The following SLC12A8 variants were observed in gnomAD, a reference collection of about 807,000 sequenced individuals.
SLC12A8 encodes cation-chloride cotransporter 9.
A neutral mutation model predicts 75.6 loss-of-function variants in SLC12A8; 69 were observed. The observed-to-expected ratio is 0.91, with a 90% CI of 0.75 to 1.11. SLC12A8 has a LOEUF of 1.11. Ranked by LOEUF, SLC12A8 falls within the 50% of genes most tolerant of loss-of-function variation. The pLI, the probability that SLC12A8 is intolerant of heterozygous loss-of-function variation, is 0.00. For synonymous variants in SLC12A8, 365 were observed against 372.8 expected (o/e 0.98, Z 0.24); for missense variants, 877 against 896.7 (o/e 0.98, Z 0.28).
At chr3:125,190,648 G>A in intron 2 of SLC12A8, 127 bp from the exon 3 acceptor site, 2 of 1,109,638 alleles carry the variant, frequency 1.8e-6, no homozygotes, top group South Asian at 2.9e-5. Context: ...ATTGTGCCAG[G>A]GCAAGTGTGT....
intron 5 of SLC12A8, among the ~76,000 whole-genome samples, chr3:125,175,756 GAA>G (rs11446379): frequency 2.1e-5 from 3 of 143,640 alleles, no homozygotes; most frequent in Admixed American, 6.9e-5. Context: ...ACATGGCCAG[GAA>G]AAAAAAAAAA....
intron 6 of SLC12A8, among the ~76,000 whole-genome samples, chr3:125,133,024 C>T (rs1933397677): frequency 1.3e-5 from 2 of 152,122 alleles, no homozygotes; most frequent in Admixed American, 1.3e-4. Context: ...AAGGAAGTCA[C>T]TGGTGAAAGA....
chr3:125,154,104 T>C (rs1472982133), intron 5 of SLC12A8, among the ~76,000 whole-genome samples: 2 of 152,166 alleles, frequency 1.3e-5, no homozygotes, highest in Middle Eastern at 3.2e-3. Context: ...CCCACAGATA[T>C]TGGGGTGCTG....
chr3:125,192,950 G>T (rs749967195), intron 2 of SLC12A8, among the ~76,000 whole-genome samples: 3 of 152,174 alleles, frequency 2.0e-5, no homozygotes, highest in Non-Finnish European at 4.4e-5. Flanking sequence ...GAAGGAAAAG[G>T]ACGAAACCAA....
At position 125,083,999 on chromosome 3, in the gene SLC12A8, A is replaced by G. The variant is rs1265175676; in HGVS notation, c.2036T>C (p.Val679Ala). Residue 679 changes from valine (V) to alanine (A), a missense_variant, in exon 14 of 14, where the codon GTT becomes GCT. By Grantham distance (64) the Val-to-Ala change is moderately conservative. Coordinates refer to ENST00000469902, the MANE Select transcript of SLC12A8 (RefSeq NM_024628.6). The part of the protein sequence containing the change: ...QIILAPSLAK[V>A]DMEMTQLTQE... The stretch of plus-strand genomic sequence containing the variant: ...GGTGAGCTGAGTCATCTCCATGTCA[A>G]CCTTAGCCAGGGACGGCGCCAAGAT... The G allele has an allele frequency of 1.9e-5, 31 of 1,613,448 alleles. No individual in the cohort carries two copies. The highest frequency in any genetic ancestry group is 2.6e-5 in the Non-Finnish European group (31 of 1,179,808).
intron 6 of SLC12A8, among the ~76,000 whole-genome samples, chr3:125,122,553 A>C (rs1933091148): frequency 6.6e-6 from 1 of 152,212 alleles, no homozygotes; most frequent in Non-Finnish European, 1.5e-5. Flanking sequence ...TGGAGAATAT[A>C]ATACCGAGGA....
In SLC12A8 at chr3:125,083,221, T is replaced by G. The variant is rs1938372486; in HGVS notation, c.*669A>C. ...AAATAATACAATAAAATATAAAACA[T>G]ACACTTATTGTGGCCCTCTGCACAA... On this transcript the variant is annotated 3_prime_UTR_variant, in exon 14 of 14. Coordinates refer to ENST00000469902, the MANE Select transcript of SLC12A8 (RefSeq NM_024628.6). The G allele has an allele frequency of 1.3e-5, 2 of 152,152 alleles. No individual in the cohort carries two copies. The highest frequency in any genetic ancestry group is 4.2e-4 in the South Asian group (2 of 4,816). The allele number at this position is 152,152 out of a possible 1,614,324, so 9.4% of individuals were successfully genotyped here.
At chr3:125,195,082 G>A (rs1213991987) in intron 2 of SLC12A8, among the ~76,000 whole-genome samples, 1 of 152,240 alleles carries the variant, frequency 6.6e-6, no homozygotes, top group Admixed American at 6.5e-5. Context: ...TGATAGTTGT[G>A]AAAGTTTGTG....
At chr3:125,164,480 C>G (rs1427145272) in intron 5 of SLC12A8, among the ~76,000 whole-genome samples, 2 of 152,206 alleles carry the variant, frequency 1.3e-5, no homozygotes, top group Non-Finnish European at 1.5e-5. Context: ...CACAACTAAG[C>G]AGGTGTTTGC....
rs546376328 is a variant in SLC12A8 at position 125,113,532 on chromosome 3, G to A, written c.913-3197C>T. 1.4e-4 allele frequency among the ~76,000 whole-genome samples: 21 copies of A among 152,294 alleles called. No individual in the cohort carries two copies. In the South Asian group the frequency reaches 4.4e-3, roughly 32 times the overall value. ...TGTTCCTGGCATGGTGCTAGGCAGA[G>A]CAAGGCTTATAGACACGTAGCTCTG... is the stretch of plus-strand genomic sequence containing the variant. On this transcript the variant is annotated intron_variant, in intron 8 of 13. Coordinates refer to ENST00000469902, the MANE Select transcript of SLC12A8 (RefSeq NM_024628.6).
In SLC12A8 at chr3:125,091,525, A is replaced by G. The variant is rs776683047; in HGVS notation, c.1835T>C (p.Ile612Thr). 1.2e-6 allele frequency: 2 copies of G among 1,614,006 alleles called. No individual in the cohort carries two copies. Among genetic ancestry groups the G allele is most frequent in the South Asian group, 1.1e-5 (1 of 91,078 alleles). ...GTTAACCAGGGTATACACCCACTGT[A>G]TCACAAACATGATGAGAAGGGACCC... ...AVGSLLIMFV[I>T]QWVYTLVNMG... Residue 612 changes from isoleucine to threonine, a missense_variant, in exon 12 of 14, where the codon ATA (isoleucine) becomes ACA (threonine). Ile to Thr is a moderately conservative substitution (Grantham distance 89). Transcript: ENST00000469902.
At chr3:125,143,998 G>A (rs142182417) in intron 5 of SLC12A8, among the ~76,000 whole-genome samples, 2 of 152,312 alleles carry the variant, frequency 1.3e-5, no homozygotes, top group African/African-American at 2.4e-5. Flanking sequence ...CTGCTAACAC[G>A]GGCTCTATTT....
intron 10 of SLC12A8, among the ~76,000 whole-genome samples, chr3:125,093,844 C>CATCAGACTAT (rs1464832031): frequency 1.3e-5 from 2 of 152,158 alleles, no homozygotes; most frequent in African/African-American, 4.8e-5. Flanking sequence ...AAGCACATGC[C>CATCAGACTAT]ATCAGACTAT....
At chr3:125,178,454 G>T (rs1934585764) in intron 4 of SLC12A8, among the ~76,000 whole-genome samples, 1 of 152,094 alleles carries the variant, frequency 6.6e-6, no homozygotes, top group African/African-American at 2.4e-5. Context: ...AAAAAAAAGT[G>T]AGTGGCACGT....
intron 10 of SLC12A8, among the ~76,000 whole-genome samples, chr3:125,097,835 G>A (rs554638461): frequency 3.4e-4 from 51 of 152,002 alleles, no homozygotes; most frequent in Non-Finnish European, 6.9e-4. Context: ...TTGTCAGAGG[G>A]GCAGGGGACA....
rs763706670 is a variant in SLC12A8, at chr3:125,107,863, G to GT, written c.1322dup (p.Tyr441Ter). ...CTCTTTGGGCAGGTCCCTCAGAGCCGTAACTGGGAGCTTTCTCTAAGAGCA... is the reference window on the plus strand; with the variant it reads ...CTCTTTGGGCAGGTCCCTCAGAGCCGTTAACTGGGAGCTTTCTCTAAGAGCA... ...EHLLLEKAPS[Y>*]GSEGPAQRVL... The change falls in exon 10 of 14, where the codon TAC becomes TAAC. Residue 441 changes from tyrosine to a stop codon, truncating the protein, a stop_gained and frameshift_variant. Coordinates refer to ENST00000469902, the MANE Select transcript of SLC12A8 (RefSeq NM_024628.6). LOFTEE classifies it high-confidence loss of function. The GT allele has an allele frequency of 1.2e-6, 2 of 1,614,158 alleles. No individual in the cohort carries two copies. Among genetic ancestry groups the GT allele is most frequent in the Non-Finnish European group, 1.7e-6 (2 of 1,180,042 alleles).
intron 10 of SLC12A8, among the ~76,000 whole-genome samples, chr3:125,101,949 A>G (rs1938887814): frequency 6.6e-6 from 1 of 152,244 alleles, no homozygotes; most frequent in Non-Finnish European, 1.5e-5. Context: ...AGAGGTAAAA[A>G]GACATAGTTT....
intron 6 of SLC12A8, among the ~76,000 whole-genome samples, chr3:125,129,746 A>T (rs1268508278): frequency 6.6e-6 from 1 of 152,214 alleles, no homozygotes; most frequent in Non-Finnish European, 1.5e-5. Flanking sequence ...TAGCAAATCT[A>T]TCACCATGGA....
intron 2 of SLC12A8, among the ~76,000 whole-genome samples, chr3:125,199,019 C>T (rs475147): frequency 0.37 from 56,678 of 151,762 alleles, 11,141 homozygotes; most frequent in East Asian, 0.67. Context: ...ACCTCGTGAT[C>T]CACCCTCCTT....
Sources: allele counts gnomAD v4.1 joint callset (sites outside exome capture counted in the v4.1 genomes callset), GRCh38; gene constraint gnomAD v4.1.1; transcripts MANE v1.5; gene names NCBI Gene and HGNC (gene_info 2026-07-23, HGNC 2026-07-21).